Variants in ACOXL observed in about 807,000 individuals in gnomAD.
The protein encoded by ACOXL is acyl-coenzyme A oxidase-like protein.
Under a neutral mutation model 71.9 loss-of-function variants are expected in ACOXL, and 70 were observed. The observed-to-expected ratio is 0.97, with a 90% CI of 0.80 to 1.19. ACOXL has a LOEUF of 1.19. Ranked by LOEUF, ACOXL falls within the 50% of genes most tolerant of loss-of-function variation. ACOXL has a pLI of 0.00. For missense variants in ACOXL, 703 were observed against 736.3 expected, an observed-to-expected ratio of 0.95 and a Z score of 0.52; for synonymous variants, 253 against 281.6, an observed-to-expected ratio of 0.90 and a Z score of 1.02.
chr2:110,734,718 A>C (rs1676620163), intron 1 of ACOXL, among the ~76,000 whole-genome samples: 2 of 152,004 alleles, frequency 1.3e-5, no homozygotes, highest in South Asian at 4.1e-4. Context: ...AGATAACTGC[A>C]GTTTAAAAGA....
chr2:110,801,861 C>T, intron 8 of ACOXL, 137 bp downstream of exon 8: 1 of 669,646 alleles, frequency 1.5e-6, no homozygotes, highest in South Asian at 1.9e-5. Context: ...TTGTTGACAA[C>T]TAATTGGAAA....
At chr2:110,745,576 G>A (rs1007060136) in intron 1 of ACOXL, among the ~76,000 whole-genome samples, 1 of 152,228 alleles carries the variant, frequency 6.6e-6, no homozygotes, top group Non-Finnish European at 1.5e-5. Context: ...AAGAGAGCCC[G>A]GGAAGCCACA....
intron 15 of ACOXL, among the ~76,000 whole-genome samples, chr2:111,044,420 A>C (rs2065922165): frequency 6.6e-6 from 1 of 152,246 alleles, no homozygotes; most frequent in Non-Finnish European, 1.5e-5. Context: ...GGCAGTACCC[A>C]TAGCCCCATG....
intron 10 of ACOXL, among the ~76,000 whole-genome samples, chr2:110,885,442 T>G (rs955043625): frequency 6.6e-6 from 1 of 152,242 alleles, no homozygotes; most frequent in Non-Finnish European, 1.5e-5. Flanking sequence ...TAGTTGTTTT[T>G]GTTTAGTCAC....
intron 12 of ACOXL, among the ~76,000 whole-genome samples, chr2:110,948,790 C>A (rs555802112): frequency 2.0e-5 from 3 of 150,198 alleles, no homozygotes; most frequent in Non-Finnish European, 4.4e-5. Context: ...ACTCGAAGCT[C>A]GTCTGGAACA....
At chr2:111,070,562 T>C (rs1450121951) in intron 16 of ACOXL, among the ~76,000 whole-genome samples, 1 of 152,124 alleles carries the variant, frequency 6.6e-6, no homozygotes, top group Non-Finnish European at 1.5e-5. Flanking sequence ...AGTACCTGGG[T>C]GATGAAATAA....
intron 3 of ACOXL, among the ~76,000 whole-genome samples, chr2:110,792,678 A>C (rs1684791639): frequency 6.6e-6 from 1 of 152,152 alleles, no homozygotes; most frequent in South Asian, 2.1e-4. Flanking sequence ...TGTAGTCCCT[A>C]GTCCCAGCTA....
Position 111,055,693 on chromosome 2 carries a change from A to G in ACOXL, c.1440+6405A>G, listed in dbSNP as rs144785325. Among the ~76,000 whole-genome samples the G allele has an allele frequency of 2.5e-3, 384 of 152,370 alleles. 3 individuals are homozygous for G. Among genetic ancestry groups the G allele is most frequent in the African/African-American group, 8.8e-3 (366 of 41,590 alleles). Reference sequence around the variant, plus strand: ...GCTGGGAATGGGATTGGGCCTCCACATGGAAAAAAGGGGATTCTTTTCTGG... The same window carrying G: ...GCTGGGAATGGGATTGGGCCTCCACGTGGAAAAAAGGGGATTCTTTTCTGG... On this transcript the variant is annotated intron_variant, in intron 16 of 17. Coordinates refer to ENST00000439055, the MANE Select transcript of ACOXL (RefSeq NM_001142807.4).
chr2:110,810,489 C>G (rs1048943779), intron 9 of ACOXL, among the ~76,000 whole-genome samples: 2 of 152,116 alleles, frequency 1.3e-5, no homozygotes, highest in African/African-American at 4.8e-5. Flanking sequence ...GTCCATCCAC[C>G]TATCCACCCA....
intron 12 of ACOXL, among the ~76,000 whole-genome samples, chr2:110,946,544 C>A (rs747216578): frequency 2.2e-4 from 33 of 152,286 alleles, no homozygotes; most frequent in Middle Eastern, 3.4e-3. Flanking sequence ...TATGTCCAAA[C>A]TCATGCTCCA....
At chr2:110,990,829 T>C (rs2063141492) in intron 13 of ACOXL, among the ~76,000 whole-genome samples, 2 of 152,222 alleles carry the variant, frequency 1.3e-5, no homozygotes, top group Admixed American at 1.3e-4. Context: ...TAAACTACCC[T>C]TGCATGCTTA....
chr2:110,955,477 G>C (rs2061466731), intron 12 of ACOXL, among the ~76,000 whole-genome samples: 1 of 148,812 alleles, frequency 6.7e-6, no homozygotes, highest in Non-Finnish European at 1.5e-5. Context: ...CCTATGGTCT[G>C]TGTTCCACTA....
chr2:111,064,680 C>G (rs538881027), intron 16 of ACOXL, among the ~76,000 whole-genome samples: 1 of 152,210 alleles, frequency 6.6e-6, no homozygotes, highest in Admixed American at 6.5e-5. Context: ...TCCATGGATG[C>G]AGAATCCGTG....
intron 10 of ACOXL, among the ~76,000 whole-genome samples, chr2:110,875,840 A>C (rs887755779): frequency 6.6e-6 from 1 of 151,876 alleles, no homozygotes. Context: ...GGCATTTGTA[A>C]CCTCTACAAT....
intron 1 of ACOXL, among the ~76,000 whole-genome samples, chr2:110,767,977 CACAA>C (rs1339308499): frequency 7.2e-5 from 9 of 124,328 alleles, no homozygotes; most frequent in African/African-American, 1.8e-4. Flanking sequence ...CACACACACA[CACAA>C]ATTAGCTGGG....
intron 4 of ACOXL, 149 bp downstream of exon 4, chr2:110,793,885 A>G (rs1399640219): frequency 7.9e-6 from 7 of 881,890 alleles, no homozygotes; most frequent in Non-Finnish European, 1.1e-5. Flanking sequence ...GAATTCCAAG[A>G]CTATCTTTTT....
intron 14 of ACOXL, among the ~76,000 whole-genome samples, chr2:111,006,472 G>T (rs1376726646): frequency 6.6e-6 from 1 of 152,120 alleles, no homozygotes; most frequent in Non-Finnish European, 1.5e-5. Flanking sequence ...CAGAAGTACA[G>T]TGCTCCCAAG....
chr2:110,826,826 A>G (rs1470329824), intron 9 of ACOXL, among the ~76,000 whole-genome samples: 1 of 135,796 alleles, frequency 7.4e-6, no homozygotes. Flanking sequence ...CATCTGGTGT[A>G]CAGTTTTGGT....
intron 17 of ACOXL, among the ~76,000 whole-genome samples, chr2:111,111,687 T>C (rs1434097499): frequency 6.6e-6 from 1 of 152,230 alleles, no homozygotes; most frequent in Non-Finnish European, 1.5e-5. Flanking sequence ...TGCCTCTGTC[T>C]CAGCATTCTT....
Sources: allele counts gnomAD v4.1 joint callset (sites outside exome capture counted in the v4.1 genomes callset), GRCh38; gene constraint gnomAD v4.1.1; transcripts MANE v1.5; gene names NCBI Gene and HGNC (gene_info 2026-07-23, HGNC 2026-07-21).